MCF2L: variants seen among roughly 807,000 people sequenced by gnomAD.
MCF2L encodes the protein guanine nucleotide exchange factor DBS.
A neutral mutation model predicts 153.4 loss-of-function variants in MCF2L; 97 were observed. The ratio of observed to expected loss-of-function variants is 0.63; its 90% confidence interval spans 0.54 to 0.75. MCF2L has a LOEUF of 0.75. Among genes scored for constraint, MCF2L ranks in the 30% least tolerant of loss-of-function variants. The pLI, the probability that MCF2L is intolerant of heterozygous loss-of-function variation, is 0.00. For missense variants in MCF2L, 1,347 were observed against 1,495.2 expected, an observed-to-expected ratio of 0.90 and a Z score of 1.64; for synonymous variants, 659 against 632.2, an observed-to-expected ratio of 1.04 and a Z score of -0.64.
chr13:112,969,219 A>G lies in MCF2L; in HGVS notation c.-161A>G. 1 of 1,178,298 alleles carries G rather than the reference A, an allele frequency of 8.5e-7. No individual in the cohort carries two copies. 73.0% of individuals were successfully genotyped at this position (1,178,298 alleles called of 1,614,324 possible). A position where few individuals can be genotyped will look rare whatever the true frequency, so the allele number is the denominator to read the frequency against. ...CGCGCCCCCCTCCCGGTGGCGCGGA[A>G]CCAATCCTGGGCAGGGAGGCGGCGG... On this transcript the variant is annotated 5_prime_UTR_variant, in exon 1 of 30. Coordinates refer to ENST00000535094, the MANE Select transcript of MCF2L (RefSeq NM_001112732.3). The surrounding 1 kb of genome is among the most constrained non-coding windows in gnomAD (Gnocchi z 4.8).
intron 2 of MCF2L, chr13:112,956,108 G>A (rs774776876): frequency 2.0e-5 from 3 of 152,258 alleles, no homozygotes; most frequent in Non-Finnish European, 2.9e-5. Flanking sequence ...GCTGTTCCTC[G>A]AGAGCCGTGC....
In MCF2L at chr13:112,983,279, C is replaced by T. The variant is rs1482922646; in HGVS notation, c.79+13821C>T. ...TCACCATGGGATTTTTCACCAGAAA[C>T]TCCTAGAAGTTAGTTCTGTGTCGTG... On this transcript the variant is annotated intron_variant, in intron 1 of 29. Transcript: ENST00000535094. The surrounding 1 kb of genome is among the most constrained non-coding windows in gnomAD (Gnocchi z 4.0). Among the ~76,000 whole-genome samples, 1 of 152,142 alleles carries T rather than the reference C, an allele frequency of 6.6e-6. No individual in the cohort carries two copies. The highest frequency in any genetic ancestry group is 2.4e-5 in the African/African-American group (1 of 41,436).
At position 113,097,608 on chromosome 13, in the gene MCF2L, C is replaced by A. The variant is rs947023620; in HGVS notation, c.*749C>A. On this transcript the variant is annotated 3_prime_UTR_variant, in exon 30 of 30. Transcript: ENST00000535094. ...GAGATTCCTTTATCTACCTAGGGTTCATTTTCAAAAGAAAATTTAAACTAT... is the reference window on the plus strand; with the variant it reads ...GAGATTCCTTTATCTACCTAGGGTTAATTTTCAAAAGAAAATTTAAACTAT... 7 of 152,066 alleles carry A rather than the reference C, an allele frequency of 4.6e-5. No individual in the cohort carries two copies. Among genetic ancestry groups the A allele is most frequent in the Admixed American group, 4.6e-4 (7 of 15,266 alleles). 9.4% of individuals were successfully genotyped at this position (152,066 alleles called of 1,614,324 possible).
At chr13:112,931,268 G>T (rs1459661179) in intron 2 of MCF2L, among the ~76,000 whole-genome samples, 1 of 152,198 alleles carries the variant, frequency 6.6e-6, no homozygotes, top group African/African-American at 2.4e-5. Context: ...GTGACTCTGG[G>T]CAGGAGTGGG....
chr13:112,923,146 T>G (rs1450240146), intron 2 of MCF2L, among the ~76,000 whole-genome samples: 2 of 152,208 alleles, frequency 1.3e-5, no homozygotes, highest in African/African-American at 4.8e-5. Flanking sequence ...ATGTTTGCTT[T>G]CTTCTCTCAT....
In MCF2L at chr13:113,081,249, C is replaced by G; in HGVS notation, c.1845C>G (p.Ala615=). The stretch of plus-strand genomic sequence containing the variant: ...GCGAGCTCCTGGACACAGAACGGGC[C>G]TACGTGGAGGAGCTGCTGTGCGTCC... ...VMSELLDTER[A]YVEELLCVLE... is the part of the protein sequence containing the mutation. The change falls in exon 16 of 30, where the codon GCC becomes GCG. Residue 615 remains alanine (A), a synonymous_variant. Coordinates refer to ENST00000535094, the MANE Select transcript of MCF2L (RefSeq NM_001112732.3). 6.3e-7 allele frequency: 1 copy of G among 1,592,912 alleles called. No individual in the cohort carries two copies. Among genetic ancestry groups the G allele is most frequent in the Admixed American group, 1.8e-5 (1 of 56,296 alleles).
intron 3 of MCF2L, among the ~76,000 whole-genome samples, chr13:113,039,215 G>A (rs767942980): frequency 4.6e-5 from 7 of 152,160 alleles, no homozygotes; most frequent in African/African-American, 9.7e-5. Context: ...GGGGATGGAC[G>A]TCCTCAGTAA....
At chr13:113,063,865 G>A in intron 5 of MCF2L, 1 of 443,452 alleles carries the variant, frequency 2.3e-6, no homozygotes, top group Non-Finnish European at 4.6e-6. Context: ...TCTAAGTGGG[G>A]CTGTGAGTTT....
At chr13:113,030,967 G>C (rs1344838428) in intron 3 of MCF2L, among the ~76,000 whole-genome samples, 1 of 152,208 alleles carries the variant, frequency 6.6e-6, no homozygotes, top group African/African-American at 2.4e-5. Context: ...GAGACAATAT[G>C]TCAGCTATGG....
Position 113,045,586 on chromosome 13 carries a change from A to G in MCF2L, c.369+225A>G, listed in dbSNP as rs568775098. 5.3e-4 allele frequency: 310 copies of G among 580,292 alleles called. 1 individual carries two copies. In the African/African-American group the frequency reaches 5.4e-3, roughly 10 times the overall value. The allele number at this position is 580,292 out of a possible 1,614,324, so 35.9% of individuals were successfully genotyped here. A position where few individuals can be genotyped will look rare whatever the true frequency, so the allele number is the denominator to read the frequency against. ...AGATGAAGGAACTCTTAGGGAGCCC[A>G]ATGTGACTTGCAAACAATTTCCCCA... On this transcript the variant is annotated intron_variant, in intron 4 of 29. Coordinates refer to ENST00000535094, the MANE Select transcript of MCF2L (RefSeq NM_001112732.3). This position sits in a 1 kb window ranked among gnomAD's most constrained non-coding sequence, Gnocchi z 4.2.
At chr13:113,034,909 TGAGGAAGGTCTGCCC>T (rs2086054790) in intron 3 of MCF2L, among the ~76,000 whole-genome samples, 3 of 148,926 alleles carry the variant, frequency 2.0e-5, no homozygotes, top group Non-Finnish European at 4.4e-5. Flanking sequence ...CTGCCCGAGG[TGAGGAAGGTCTGCCC>T]GAGGCAAGGC....
intron 1 of MCF2L, among the ~76,000 whole-genome samples, chr13:112,981,005 T>C (rs2082399989): frequency 6.6e-6 from 1 of 151,480 alleles, no homozygotes; most frequent in Admixed American, 6.6e-5. Context: ...ATACGTCCCC[T>C]TCCTGTGCAC....
At chr13:113,087,586 G>T in intron 22 of MCF2L, 121 bp from the exon 23 acceptor site, 1 of 1,107,026 alleles carries the variant, frequency 9.0e-7, no homozygotes, top group Non-Finnish European at 1.3e-6. Context: ...GGGGTATTCT[G>T]CCATTCTTAG....
chr13:113,056,898 TGCTGAGTGGGTGCTGAGTGTTTCGGC>T (rs1594862932), intron 4 of MCF2L, among the ~76,000 whole-genome samples: 2 of 117,358 alleles, frequency 1.7e-5, no homozygotes, highest in Admixed American at 8.8e-5. Flanking sequence ...TGTGTTTGGG[TGCTGAGTGGGTGCTGAGTGTTTCGGC>T]GCTGAGTGGG....
At chr13:113,090,645 T>A in intron 26 of MCF2L, 1 of 985,418 alleles carries the variant, frequency 1.0e-6, no homozygotes, top group Non-Finnish European at 1.2e-6. Context: ...GGGAAATACA[T>A]GGCGGGGAAA....
At chr13:112,946,301 A>G (rs1050562974) in intron 2 of MCF2L, among the ~76,000 whole-genome samples, 2 of 151,882 alleles carry the variant, frequency 1.3e-5, no homozygotes, top group Non-Finnish European at 2.9e-5. Flanking sequence ...AAAAAAAACT[A>G]TAGTAACTTT....
At chr13:112,976,468 TC>T (rs932345569) in intron 1 of MCF2L, among the ~76,000 whole-genome samples, 24 of 152,198 alleles carry the variant, frequency 1.6e-4, no homozygotes, top group Admixed American at 1.5e-3. Context: ...AGAGAAGCAT[TC>T]CAGCTGGAGC....
At chr13:112,976,219 T>C (rs2140870609) in intron 1 of MCF2L, among the ~76,000 whole-genome samples, 1 of 151,916 alleles carries the variant, frequency 6.6e-6, no homozygotes, top group Admixed American at 6.6e-5. Context: ...TTTGCTTTAC[T>C]CCTTTATTAA....
intron 1 of MCF2L, among the ~76,000 whole-genome samples, chr13:112,986,330 C>T (rs1017634340): frequency 6.6e-6 from 1 of 152,240 alleles, no homozygotes; most frequent in Non-Finnish European, 1.5e-5. Flanking sequence ...CTCTTCTGAA[C>T]TCACCCGTTC....
Sources: allele counts gnomAD v4.1 joint callset (sites outside exome capture counted in the v4.1 genomes callset), GRCh38; gene constraint gnomAD v4.1.1; non-coding constraint Gnocchi (gnomAD v3.1); transcripts MANE v1.5; gene names NCBI Gene and HGNC (gene_info 2026-07-23, HGNC 2026-07-21).